Variants in ACTL7A observed in about 807,000 individuals in gnomAD.
ACTL7A encodes the protein actin-like protein 7A.
ACTL7A carries 27 observed loss-of-function variants against 30.3 expected under a neutral mutation model. That is an observed-to-expected ratio of 0.89 (90% CI 0.66 to 1.23). The LOEUF is 1.23. Among genes scored for constraint, ACTL7A ranks in the 50% most tolerant of loss-of-function variants. ACTL7A has a pLI of 0.00. For synonymous variants in ACTL7A, 259 were observed against 241.4 expected (o/e 1.07, Z -0.67); for missense variants, 566 against 571.8 (o/e 0.99, Z 0.10).
In ACTL7A at chr9:108,863,396, C is replaced by A. The variant is rs916003118; in HGVS notation, c.1074C>A (p.Ile358=). ...IALKRDLMGN[I]LLCGGSTMLS... ...TCAAACGGGACCTCATGGGGAACAT[C>A]CTGCTCTGCGGGGGCAGCACGATGC... Residue 358 remains isoleucine (I), a synonymous_variant, in exon 1 of 1, where the codon ATC becomes ATA. Coordinates refer to ENST00000333999, the MANE Select transcript of ACTL7A (RefSeq NM_006687.4). 7 of 1,614,082 alleles carry A rather than the reference C, an allele frequency of 4.3e-6. No individual in the cohort carries two copies. The African/African-American group carries it at 8.0e-5, about 18-fold the overall frequency.
chr9:108,862,542 G>A lies in ACTL7A; in HGVS notation c.220G>A (p.Val74Met), dbSNP rs1350601168. ...GCAGGAGGTGACCAAAGCAGTGGTC[G>A]TGGACCTGGGCACTGGCTACTGTAA... Reference protein sequence around the residue: ...PKQEVTKAVVVDLGTGYCKCG... With the variant: ...PKQEVTKAVVMDLGTGYCKCG... Residue 74 changes from valine (V) to methionine (M), a missense_variant, in exon 1 of 1, where the codon GTG becomes ATG. Physicochemically the swap from Val to Met is conservative, Grantham distance 21. Coordinates refer to ENST00000333999, the MANE Select transcript of ACTL7A (RefSeq NM_006687.4). 18 of 1,614,080 alleles carry A rather than the reference G, an allele frequency of 1.1e-5. No homozygotes were observed. Among genetic ancestry groups the A allele is most frequent in the African/African-American group, 5.3e-5 (4 of 74,942 alleles).
rs1308056655 is a variant in ACTL7A at position 108,863,004 on chromosome 9, C to T, written c.682C>T (p.Pro228Ser). The T allele has an allele frequency of 4.3e-6, 7 of 1,612,296 alleles. No individual in the cohort carries two copies. The highest frequency in any genetic ancestry group is 2.2e-5 in the East Asian group (1 of 44,822). The change falls in exon 1 of 1, where the codon CCC becomes TCC. Residue 228 changes from proline to serine, a missense_variant. By Grantham distance (74) the Pro-to-Ser change is moderately conservative. Coordinates refer to ENST00000333999, the MANE Select transcript of ACTL7A (RefSeq NM_006687.4). ...EVGHGVSYVV[P>S]IYEGYPLPSI... ...GGGCCATGGCGTGTCCTACGTGGTC[C>T]CCATCTACGAGGGTTATCCTTTGCC... is the stretch of plus-strand genomic sequence containing the variant.
rs780160013 is a variant in ACTL7A, at chr9:108,863,504, A to AAG, written c.1186_1187dup (p.Asp396GlufsTer59). On this transcript the variant is annotated frameshift_variant, in exon 1 of 1. Transcript: ENST00000333999. LOFTEE classifies it high-confidence loss of function. ...CCCCGCAGGTAAACGTGCTGCCTGA[A>AAG]AGAGACAGTGCCGTGTGGACCGGTG... 5.6e-6 allele frequency: 9 copies of AAG among 1,614,186 alleles called. No homozygotes were observed. Among genetic ancestry groups the AAG allele is most frequent in the Non-Finnish European group, 7.6e-6 (9 of 1,180,022 alleles).
Position 108,863,105 on chromosome 9 carries a change from G to T in ACTL7A, c.783G>T (p.Gly261=). ...TGCTGGGCCTGCTGAACAGTGCGGGGAACGAATTCACCCAGGACCAGATGG... is the reference window on the plus strand; with the variant it reads ...TGCTGGGCCTGCTGAACAGTGCGGGTAACGAATTCACCCAGGACCAGATGG... The part of the protein sequence containing the change: ...AYLLGLLNSA[G]NEFTQDQMGI... The change falls in exon 1 of 1, where the codon GGG becomes GGT. Residue 261 remains glycine, a synonymous_variant. Coordinates refer to ENST00000333999, the MANE Select transcript of ACTL7A (RefSeq NM_006687.4). 2.5e-6 allele frequency: 4 copies of T among 1,614,146 alleles called. No individual in the cohort carries two copies. In the South Asian group the frequency reaches 4.4e-5, roughly 18 times the overall value.
Position 108,863,632 on chromosome 9 carries a change from C to T in ACTL7A, c.*2C>T, listed in dbSNP as rs757172980. 1.1e-5 allele frequency: 18 copies of T among 1,598,956 alleles called. No homozygotes were observed. The highest frequency in any genetic ancestry group is 2.2e-5 in the East Asian group (1 of 44,718). ...TTCCTCTACAGAAGGTGCTTCTGAA[C>T]AGCGACGAGGATGGACACTGCACTG... On this transcript the variant is annotated 3_prime_UTR_variant, in exon 1 of 1. Transcript: ENST00000333999.
rs1827200053 is a variant in ACTL7A at position 108,863,446 on chromosome 9, A to G, written c.1124A>G (p.Gln375Arg). ...CTCAGTGGCTTCCCTAACCGTCTGCAGAAGGAGCTAAGCAGCATGTGTCCC... is the reference window on the plus strand; with the variant it reads ...CTCAGTGGCTTCCCTAACCGTCTGCGGAAGGAGCTAAGCAGCATGTGTCCC... ...TMLSGFPNRL[Q>R]KELSSMCPND... The change falls in exon 1 of 1, where the codon CAG becomes CGG. Residue 375 changes from glutamine (Q) to arginine (R), a missense_variant. Transcript: ENST00000333999. The G allele has an allele frequency of 6.2e-7, 1 of 1,614,162 alleles. No individual in the cohort carries two copies. The highest frequency in any genetic ancestry group is 8.5e-7 in the Non-Finnish European group (1 of 1,180,028).
Position 108,862,315 on chromosome 9 carries a change from T to C in ACTL7A, c.-8T>C, listed in dbSNP as rs562009267. 187 of 1,602,348 alleles carry C rather than the reference T, an allele frequency of 1.2e-4. 2 individuals are homozygous for C. In the South Asian group the frequency reaches 1.8e-3, roughly 16 times the overall value. ...GAACTTTCTAAGAGTGGTGCGGCTC[T>C]TGACAACATGTGGGCTCCACCAGCA... On this transcript the variant is annotated 5_prime_UTR_variant, in exon 1 of 1. Coordinates refer to ENST00000333999, the MANE Select transcript of ACTL7A (RefSeq NM_006687.4).
At position 108,863,180 on chromosome 9, in the gene ACTL7A, C is replaced by T. The variant is rs1827194713; in HGVS notation, c.858C>T (p.Pro286=). The change falls in exon 1 of 1, where the codon CCC becomes CCT. Residue 286 remains proline, a synonymous_variant. Coordinates refer to ENST00000333999, the MANE Select transcript of ACTL7A (RefSeq NM_006687.4). ...KKKCCFVALD[P]IEEKKVPLSE... is the part of the protein sequence containing the mutation. ...AATGCTGCTTTGTGGCCCTGGATCC[C>T]ATTGAGGAGAAGAAAGTCCCTCTCA... 6.2e-7 allele frequency: 1 copy of T among 1,613,958 alleles called. No homozygotes were observed.
rs201560933 is a variant in ACTL7A, at chr9:108,863,056, C to T, written c.734C>T (p.Ala245Val). 322 of 1,613,944 alleles carry T rather than the reference C, an allele frequency of 2.0e-4. 2 individuals are homozygous for T. The highest frequency in any genetic ancestry group is 5.7e-5 in the Non-Finnish European group (67 of 1,180,016). ...LPSITGRLDY[A>V]GSDLTAYLLG... ...AGCATCACCGGAAGGCTGGACTACG[C>T]GGGCTCTGACCTGACAGCCTACCTG... is the stretch of plus-strand genomic sequence containing the variant. The change falls in exon 1 of 1, where the codon GCG (alanine) becomes GTG (valine). Residue 245 changes from alanine (A) to valine (V), a missense_variant. Physicochemically the swap from Ala to Val is moderately conservative, Grantham distance 64. Coordinates refer to ENST00000333999, the MANE Select transcript of ACTL7A (RefSeq NM_006687.4).
rs1159869463 is a variant in ACTL7A, at chr9:108,862,775, A to G, written c.453A>G (p.Glu151=). 1 of 1,614,212 alleles carries G rather than the reference A, an allele frequency of 6.2e-7. No homozygotes were observed. Among genetic ancestry groups the G allele is most frequent in the South Asian group, 1.1e-5 (1 of 91,084 alleles). The part of the protein sequence containing the change: ...VDWDTVQDIW[E]YLFRQEMKIA... ...GGGATACAGTGCAGGATATCTGGGA[A>G]TATCTCTTCCGACAAGAGATGAAGA... Residue 151 remains glutamate, a synonymous_variant, in exon 1 of 1, where the codon GAA becomes GAG. Transcript: ENST00000333999.
Position 108,863,222 on chromosome 9 carries a change from C to A in ACTL7A, c.900C>A (p.Arg300=), listed in dbSNP as rs894442006. The change falls in exon 1 of 1, where the codon CGC becomes CGA. Residue 300 remains arginine (R), a synonymous_variant. Coordinates refer to ENST00000333999, the MANE Select transcript of ACTL7A (RefSeq NM_006687.4). The stretch of plus-strand genomic sequence containing the variant: ...TCCCTCTCAGTGAGCATACGATCCG[C>A]TACGTGCTGCCGGATGGGAAGGAGA... ...KKVPLSEHTI[R]YVLPDGKEIQ... The A allele has an allele frequency of 2.5e-6, 4 of 1,614,058 alleles. No homozygotes were observed. The highest frequency in any genetic ancestry group is 3.4e-6 in the Non-Finnish European group (4 of 1,180,056).
chr9:108,862,835 C>A lies in ACTL7A; in HGVS notation c.513C>A (p.Asp171Glu), dbSNP rs1372471127. 2 of 1,613,366 alleles carry A rather than the reference C, an allele frequency of 1.2e-6. No homozygotes were observed. The highest frequency in any genetic ancestry group is 1.7e-6 in the Non-Finnish European group (2 of 1,179,556). The change falls in exon 1 of 1, where the codon GAC becomes GAA. Residue 171 changes from aspartate (D) to glutamate (E), a missense_variant. Transcript: ENST00000333999. ...AGGAGCATGCGGTCTTGGTTTCAGA[C>A]CCGCCACTGAGCCCACACACCAACA... ...APEEHAVLVS[D>E]PPLSPHTNRE...
In ACTL7A at chr9:108,862,785, C is replaced by T. The variant is rs755704105; in HGVS notation, c.463C>T (p.Arg155Ter). The T allele has an allele frequency of 1.2e-5, 20 of 1,614,098 alleles. No individual in the cohort carries two copies. The highest frequency in any genetic ancestry group is 1.5e-5 in the Non-Finnish European group (18 of 1,180,016). ...TVQDIWEYLF[R>*]QEMKIAPEEH... ...GCAGGATATCTGGGAATATCTCTTC[C>T]GACAAGAGATGAAGATCGCCCCGGA... is the stretch of plus-strand genomic sequence containing the variant. The change falls in exon 1 of 1, where the codon CGA (arginine) becomes TGA (stop). Residue 155 changes from arginine (R) to a stop codon, truncating the protein, a stop_gained. Coordinates refer to ENST00000333999, the MANE Select transcript of ACTL7A (RefSeq NM_006687.4). LOFTEE classifies it high-confidence loss of function.
Position 108,862,780 on chromosome 9 carries a change from T to C in ACTL7A, c.458T>C (p.Leu153Pro), listed in dbSNP as rs1322821795. The C allele has an allele frequency of 1.2e-6, 2 of 1,614,208 alleles. No individual in the cohort carries two copies. The highest frequency in any genetic ancestry group is 1.7e-6 in the Non-Finnish European group (2 of 1,180,038). ...ACAGTGCAGGATATCTGGGAATATC[T>C]CTTCCGACAAGAGATGAAGATCGCC... is the stretch of plus-strand genomic sequence containing the variant. The part of the protein sequence containing the change: ...WDTVQDIWEY[L>P]FRQEMKIAPE... The change falls in exon 1 of 1, where the codon CTC becomes CCC. Residue 153 changes from leucine to proline, a missense_variant. Physicochemically the swap from Leu to Pro is moderately conservative, Grantham distance 98. Transcript: ENST00000333999.
chr9:108,862,729 G>T lies in ACTL7A; in HGVS notation c.407G>T (p.Arg136Leu), dbSNP rs35339416. 88 of 1,614,194 alleles carry T rather than the reference G, an allele frequency of 5.5e-5. No homozygotes were observed. The South Asian group carries it at 9.1e-4, about 17-fold the overall frequency. The change falls in exon 1 of 1, where the codon CGA (arginine) becomes CTA (leucine). Residue 136 changes from arginine to leucine, a missense_variant. Coordinates refer to ENST00000333999, the MANE Select transcript of ACTL7A (RefSeq NM_006687.4). ...CATCTCAAGCTGGTTAACCCTCTGC[G>T]ACATGGCATCATCGTGGACTGGGAT... ...NVHLKLVNPL[R>L]HGIIVDWDTV...
In ACTL7A at chr9:108,863,621, G is replaced by T. The variant is rs1827203496; in HGVS notation, c.1299G>T (p.Arg433Ser). Residue 433 changes from arginine to serine, a missense_variant, in exon 1 of 1, where the codon AGG (arginine) becomes AGT (serine). Physicochemically the swap from Arg to Ser is moderately radical, Grantham distance 110 (BLOSUM62 -1). Coordinates refer to ENST00000333999, the MANE Select transcript of ACTL7A (RefSeq NM_006687.4). ...EEHGPFFLYRRCF is the reference protein window; with the variant it reads ...EEHGPFFLYRSCF ...ACGGGCCTTTCTTCCTCTACAGAAG[G>T]TGCTTCTGAACAGCGACGAGGATGG... is the stretch of plus-strand genomic sequence containing the variant. 1 of 1,607,680 alleles carries T rather than the reference G, an allele frequency of 6.2e-7. No individual in the cohort carries two copies. Among genetic ancestry groups the T allele is most frequent in the East Asian group, 2.2e-5 (1 of 44,784 alleles).
chr9:108,863,711 C>T lies in ACTL7A; in HGVS notation c.*81C>T, dbSNP rs1167442221. On this transcript the variant is annotated 3_prime_UTR_variant, in exon 1 of 1. Transcript: ENST00000333999. ...CACTCCTACACACAGGGGGTGGAGC[C>T]GGCGCTTATTCCTGTAGCATTAAAC... 12 of 1,354,546 alleles carry T rather than the reference C, an allele frequency of 8.9e-6. No individual in the cohort carries two copies. Among genetic ancestry groups the T allele is most frequent in the Middle Eastern group, 1.9e-4 (1 of 5,264 alleles). 83.9% of individuals were successfully genotyped at this position (1,354,546 alleles called of 1,614,324 possible).
Position 108,863,390 on chromosome 9 carries a change from G to A in ACTL7A, c.1068G>A (p.Gly356=), listed in dbSNP as rs750011882. The change falls in exon 1 of 1, where the codon GGG becomes GGA. Residue 356 remains glycine, a synonymous_variant. Coordinates refer to ENST00000333999, the MANE Select transcript of ACTL7A (RefSeq NM_006687.4). ...TCGCCCTCAAACGGGACCTCATGGG[G>A]AACATCCTGCTCTGCGGGGGCAGCA... is the stretch of plus-strand genomic sequence containing the variant. The part of the protein sequence containing the change: ...CDIALKRDLM[G]NILLCGGSTM... 1.2e-6 allele frequency: 2 copies of A among 1,614,202 alleles called. No individual in the cohort carries two copies. Among genetic ancestry groups the A allele is most frequent in the Admixed American group, 1.7e-5 (1 of 60,030 alleles).
At position 108,862,850 on chromosome 9, in the gene ACTL7A, A is replaced by T. The variant is rs3739692; in HGVS notation, c.528A>T (p.Pro176=). 142 of 1,613,988 alleles carry T rather than the reference A, an allele frequency of 8.8e-5. No homozygotes were observed. In the East Asian group the frequency reaches 3.2e-3, roughly 36 times the overall value. The change falls in exon 1 of 1, where the codon CCA becomes CCT. Residue 176 remains proline, a synonymous_variant. Transcript: ENST00000333999. ...TGGTTTCAGACCCGCCACTGAGCCC[A>T]CACACCAACAGAGAGAAATATGCTG... The part of the protein sequence containing the change: ...AVLVSDPPLS[P]HTNREKYAEM...
Sources: gnomAD v4.1 joint callset for allele counts on GRCh38, gnomAD v4.1.1 for gene constraint, MANE v1.5 for transcripts, NCBI Gene and HGNC (gene_info 2026-07-23, HGNC 2026-07-21) for gene names.